HACE1: variants seen among roughly 807,000 people sequenced by gnomAD.
HACE1 encodes HECT domain and ankyrin repeat containing E3 ubiquitin protein ligase 1.
In HACE1, 73 loss-of-function variants were observed where a neutral mutation model predicts 118.4. The ratio of observed to expected loss-of-function variants is 0.62; its 90% confidence interval spans 0.51 to 0.75. The LOEUF is 0.75. Among genes scored for constraint, HACE1 ranks in the 30% least tolerant of loss-of-function variants. The pLI is 0.00. For synonymous variants in HACE1, 368 were observed against 374.8 expected (o/e 0.98, Z 0.21); for missense variants, 749 against 1,102.2 (o/e 0.68, Z 4.54).
At chr6:104,852,405 C>A in intron 1 of HACE1, 34 bp from the exon 2 acceptor site, 2 of 1,291,218 alleles carry the variant, frequency 1.5e-6, no homozygotes, top group South Asian at 2.4e-5. Flanking sequence ...TCATTTATCC[C>A]CTACTTTGTG....
Position 104,859,829 on chromosome 6 carries a change from C to G in HACE1, c.-187G>C, listed in dbSNP as rs917523528. The G allele has an allele frequency of 5.4e-6, 3 of 551,972 alleles. No homozygotes were observed. The highest frequency in any genetic ancestry group is 6.2e-6 in the Non-Finnish European group (2 of 320,756). 34.2% of individuals were successfully genotyped at this position (551,972 alleles called of 1,614,324 possible). A position where few individuals can be genotyped will look rare whatever the true frequency, so the allele number is the denominator to read the frequency against. On this transcript the variant is annotated 5_prime_UTR_variant, in exon 1 of 24. Transcript: ENST00000262903. ...TCCGGGGGCCGGGCTGCTGCCGGAC[C>G]GACCACCTACAGTACACCCGCCGCC...
At chr6:104,754,577 T>C (rs976465243) in intron 19 of HACE1, among the ~76,000 whole-genome samples, 1 of 152,092 alleles carries the variant, frequency 6.6e-6, no homozygotes, top group African/African-American at 2.4e-5. Flanking sequence ...TTCAGACTAA[T>C]AGCAAACCTC....
chr6:104,798,822 G>A (rs1484909277), intron 7 of HACE1, among the ~76,000 whole-genome samples: 1 of 152,160 alleles, frequency 6.6e-6, no homozygotes, highest in Non-Finnish European at 1.5e-5. Context: ...AGTAGCCAAG[G>A]TTCTGAGGAA....
chr6:104,859,151 GC>G (rs141118216), intron 1 of HACE1, among the ~76,000 whole-genome samples: 2 of 152,192 alleles, frequency 1.3e-5, no homozygotes, highest in East Asian at 3.9e-4. Flanking sequence ...AGCCCGCCTG[GC>G]CCCCCGATGC....
chr6:104,806,939 G>T (rs1194656021), intron 7 of HACE1, among the ~76,000 whole-genome samples: 3 of 151,908 alleles, frequency 2.0e-5, no homozygotes, highest in Admixed American at 2.0e-4. Context: ...TAATATTATT[G>T]GGAATGGCGT....
intron 6 of HACE1, among the ~76,000 whole-genome samples, chr6:104,818,579 T>C (rs749545803): frequency 2.0e-5 from 3 of 150,306 alleles, no homozygotes; most frequent in East Asian, 2.0e-4. Context: ...AGAGATACAA[T>C]AAAAAAAAAT....
intron 6 of HACE1, among the ~76,000 whole-genome samples, chr6:104,813,414 A>C (rs1771828173): frequency 7.2e-6 from 1 of 138,520 alleles, no homozygotes; most frequent in African/African-American, 2.9e-5. Context: ...AACAAAAATT[A>C]AAAATAAAGA....
At chr6:104,796,888 T>C (rs1444562971) in intron 8 of HACE1, 41 bp downstream of exon 8, 8 of 1,212,298 alleles carry the variant, frequency 6.6e-6, no homozygotes, top group Non-Finnish European at 6.1e-6. Flanking sequence ...CCAGTTTCTA[T>C]TATAAAGATA....
chr6:104,774,080 C>CTTTTTTTTT (rs540039211), intron 17 of HACE1, among the ~76,000 whole-genome samples: 2 of 74,844 alleles, frequency 2.7e-5, no homozygotes, highest in African/African-American at 8.0e-5. Context: ...CATCTTTTCT[C>CTTTTTTTTT]TTTTTTTTTT....
intron 3 of HACE1, among the ~76,000 whole-genome samples, chr6:104,849,684 TGTCACCCA>T (rs932847631): frequency 1.1e-4 from 16 of 145,566 alleles, no homozygotes; most frequent in African/African-American, 3.3e-4. Flanking sequence ...GAGTCTCGCA[TGTCACCCA>T]GGCTGGAGTG....
At chr6:104,848,869 CAAG>C (rs1437738807) in intron 4 of HACE1, among the ~76,000 whole-genome samples, 2 of 151,842 alleles carry the variant, frequency 1.3e-5, no homozygotes, top group Non-Finnish European at 2.9e-5. Context: ...ATAATATTTT[CAAG>C]AAGAAAATTA....
At position 104,784,143 on chromosome 6, in the gene HACE1, G is replaced by A; in HGVS notation, c.1509C>T (p.His503=). The part of the protein sequence containing the change: ...RNPKIIFDHF[H]FLLECPELMS... Reference sequence around the variant, plus strand: ...TCAACTCAGGACATTCAAGGAGAAAGTGAAAGTGGTCAAATATAATTTTGG... The same window carrying A: ...TCAACTCAGGACATTCAAGGAGAAAATGAAAGTGGTCAAATATAATTTTGG... Residue 503 remains histidine (H), a synonymous_variant, in exon 14 of 24, where the codon CAC becomes CAT. Coordinates refer to ENST00000262903, the MANE Select transcript of HACE1 (RefSeq NM_020771.4). The A allele has an allele frequency of 1.3e-6, 2 of 1,597,122 alleles. No individual in the cohort carries two copies. Among genetic ancestry groups the A allele is most frequent in the Non-Finnish European group, 1.7e-6 (2 of 1,164,664 alleles).
intron 22 of HACE1, among the ~76,000 whole-genome samples, chr6:104,737,090 C>G (rs1245877257): frequency 6.6e-6 from 1 of 150,926 alleles, no homozygotes; most frequent in South Asian, 2.1e-4. Context: ...TCAAGACCAG[C>G]TTGGCCACGA....
At chr6:104,822,584 C>A (rs1050251426) in intron 6 of HACE1, among the ~76,000 whole-genome samples, 1 of 151,716 alleles carries the variant, frequency 6.6e-6, no homozygotes, top group African/African-American at 2.4e-5. Context: ...AGGCCGAGCG[C>A]GGTGGCTCAC....
chr6:104,844,993 T>A (rs1364469261), intron 4 of HACE1, among the ~76,000 whole-genome samples: 2 of 152,138 alleles, frequency 1.3e-5, no homozygotes, highest in Non-Finnish European at 2.9e-5. Context: ...AGTGTATAGT[T>A]CACTGGTAAA....
intron 19 of HACE1, among the ~76,000 whole-genome samples, chr6:104,758,497 G>A (rs1035370585): frequency 9.9e-5 from 15 of 152,250 alleles, no homozygotes; most frequent in African/African-American, 3.6e-4. Context: ...ACAAGCAAAT[G>A]CTGAGAGACT....
intron 6 of HACE1, among the ~76,000 whole-genome samples, chr6:104,825,371 T>G (rs1243168163): frequency 6.6e-6 from 1 of 152,018 alleles, no homozygotes; most frequent in Non-Finnish European, 1.5e-5. Flanking sequence ...ATCAGACGTT[T>G]GCATAGGAGT....
At chr6:104,743,629 A>C (rs145455796) in intron 22 of HACE1, among the ~76,000 whole-genome samples, 2 of 151,972 alleles carry the variant, frequency 1.3e-5, no homozygotes, top group Non-Finnish European at 2.9e-5. Flanking sequence ...TAGTTTTCTA[A>C]TATCTATTAT....
At chr6:104,821,981 G>T (rs1412312498) in intron 6 of HACE1, among the ~76,000 whole-genome samples, 1 of 152,138 alleles carries the variant, frequency 6.6e-6, no homozygotes, top group Non-Finnish European at 1.5e-5. Flanking sequence ...ACCAAAGTGG[G>T]AGGAGTGCTT....
Sources: gnomAD v4.1 joint callset for allele counts (sites outside exome capture counted in the v4.1 genomes callset) on GRCh38, gnomAD v4.1.1 for gene constraint, MANE v1.5 for transcripts, NCBI Gene and HGNC (gene_info 2026-07-23, HGNC 2026-07-21) for gene names.